DCLRE1A: variants seen among roughly 807,000 people sequenced by gnomAD.
DCLRE1A encodes DNA cross-link repair 1A protein.
DCLRE1A carries 64 observed loss-of-function variants against 91.9 expected under a neutral mutation model. That is an observed-to-expected ratio of 0.70 (90% CI 0.57 to 0.86). DCLRE1A has a LOEUF of 0.86. Ranked by LOEUF, DCLRE1A falls within the 40% of genes least tolerant of loss-of-function variation. DCLRE1A has a pLI of 0.00. For missense variants in DCLRE1A, 1,145 were observed against 1,213.3 expected, an observed-to-expected ratio of 0.94 and a Z score of 0.84; for synonymous variants, 416 against 431.1, an observed-to-expected ratio of 0.96 and a Z score of 0.43.
intron 3 of DCLRE1A, among the ~76,000 whole-genome samples, chr10:113,846,782 G>C (rs1252152958): frequency 6.6e-6 from 1 of 151,974 alleles, no homozygotes; most frequent in Non-Finnish European, 1.5e-5. Flanking sequence ...GTAAATAGTT[G>C]TTATACTATA....
chr10:113,844,232 A>C lies in DCLRE1A; in HGVS notation c.2391T>G (p.Ala797=). Residue 797 remains alanine, a synonymous_variant, in exon 5 of 9, where the codon GCT becomes GCG. Transcript: ENST00000361384. ...VLLDANHCPG[A]VMILFYLPNG... ...TAGGAAGATAAAAGAGGATCATGAC[A>C]GCACCTGGACAGCTGAACACAAATG... is the stretch of plus-strand genomic sequence containing the variant. 1 of 1,614,142 alleles carries C rather than the reference A, an allele frequency of 6.2e-7. No homozygotes were observed. Among genetic ancestry groups the C allele is most frequent in the Middle Eastern group, 1.6e-4 (1 of 6,062 alleles).
At chr10:113,847,076 A>G in intron 3 of DCLRE1A, 126 bp downstream of exon 3, 1 of 954,380 alleles carries the variant, frequency 1.0e-6, no homozygotes, top group Non-Finnish European at 1.5e-6. Context: ...TTTATGTGGA[A>G]TATGTTTTCT....
At chr10:113,837,388 C>G (rs1260295418) in intron 7 of DCLRE1A, among the ~76,000 whole-genome samples, 185 bp from the exon 8 acceptor site, 1 of 151,990 alleles carries the variant, frequency 6.6e-6, no homozygotes, top group Non-Finnish European at 1.5e-5. Flanking sequence ...AATATTTTCT[C>G]CTTTACTTAT....
At chr10:113,843,405 G>A (rs17235185) in intron 5 of DCLRE1A, among the ~76,000 whole-genome samples, 4,780 of 152,106 alleles carry the variant, frequency 0.031, 263 homozygotes, top group African/African-American at 0.11. Flanking sequence ...TCATATAGAA[G>A]AATGGAAAAA....
At chr10:113,848,579 T>C (rs534334355) in intron 2 of DCLRE1A, among the ~76,000 whole-genome samples, 7 of 152,228 alleles carry the variant, frequency 4.6e-5, no homozygotes, top group Non-Finnish European at 1.0e-4. Context: ...ACCTGTGACA[T>C]TTCCCATCTT....
chr10:113,850,066 G>GT lies in DCLRE1A; in HGVS notation c.1038dup (p.Arg347ThrfsTer11), dbSNP rs1405598603. ...TGGTCCTTCAGTAAGGGACCATGTC[G>GT]TTTTTTAAAAAAACCACAGCTGTCA... On this transcript the variant is annotated frameshift_variant, in exon 2 of 9. Transcript: ENST00000361384. LOFTEE classifies it high-confidence loss of function. The GT allele has an allele frequency of 3.7e-6, 6 of 1,613,642 alleles. No homozygotes were observed. The highest frequency in any genetic ancestry group is 5.1e-6 in the Non-Finnish European group (6 of 1,179,918).
chr10:113,847,681 T>A (rs1845561630), intron 2 of DCLRE1A, among the ~76,000 whole-genome samples: 1 of 152,222 alleles, frequency 6.6e-6, no homozygotes, highest in African/African-American at 2.4e-5. Context: ...ATGCTAACTT[T>A]CTTCTAAAAC....
At chr10:113,835,417 G>A (rs900282096) in intron 8 of DCLRE1A, 105 bp from the exon 9 acceptor site, 2 of 1,273,066 alleles carry the variant, frequency 1.6e-6, no homozygotes, top group East Asian at 2.7e-5. Flanking sequence ...GCAATCCACA[G>A]TATTTTTGTC....
In DCLRE1A at chr10:113,850,445, A is replaced by C; in HGVS notation, c.660T>G (p.Thr220=). The change falls in exon 2 of 9, where the codon ACT becomes ACG. Residue 220 remains threonine, a synonymous_variant. Transcript: ENST00000361384. The part of the protein sequence containing the change: ...EERWSSYQNQ[T]DNSVSNDPLL... Reference sequence around the variant, plus strand: ...AGGGATCATTTGAAACCGAGTTATCAGTTTGGTTCTGATACGAAGACCATC... The same window carrying C: ...AGGGATCATTTGAAACCGAGTTATCCGTTTGGTTCTGATACGAAGACCATC... 6.2e-7 allele frequency: 1 copy of C among 1,614,216 alleles called. No homozygotes were observed. The highest frequency in any genetic ancestry group is 8.5e-7 in the Non-Finnish European group (1 of 1,180,046).
In DCLRE1A at chr10:113,835,231, G is replaced by C. The variant is rs36045399; in HGVS notation, c.3044C>G (p.Thr1015Ser). Residue 1015 changes from threonine to serine, a missense_variant, in exon 9 of 9, where the codon ACT (threonine) becomes AGT (serine). Physicochemically the swap from Thr to Ser is moderately conservative, Grantham distance 58 (BLOSUM62 1). Coordinates refer to ENST00000361384, the MANE Select transcript of DCLRE1A (RefSeq NM_014881.5). ...QWLKPQKIIP[T>S]VNVGTWKSRS... ...AGATTTCCAGGTGCCCACATTTACAGTAGGTATGATTTTCTGGGGCTTCAG... is the reference window on the plus strand; with the variant it reads ...AGATTTCCAGGTGCCCACATTTACACTAGGTATGATTTTCTGGGGCTTCAG... The C allele has an allele frequency of 2.9e-4, 462 of 1,614,098 alleles. 1 individual carries two copies. In the African/African-American group the frequency reaches 5.4e-3, roughly 19 times the overall value.
chr10:113,844,331 C>G, intron 4 of DCLRE1A, 87 bp from the exon 5 acceptor site: 2 of 1,510,678 alleles, frequency 1.3e-6, no homozygotes, highest in Non-Finnish European at 1.8e-6. Context: ...AGTTAGCACG[C>G]TTTATTAGCT....
chr10:113,838,217 C>T (rs994050446), intron 7 of DCLRE1A, among the ~76,000 whole-genome samples: 3 of 152,124 alleles, frequency 2.0e-5, no homozygotes, highest in Admixed American at 2.0e-4. Context: ...TTTTGCCTTG[C>T]TTACTCTAGG....
At chr10:113,848,877 C>G (rs1845586288) in intron 2 of DCLRE1A, 103 bp downstream of exon 2, 1 of 1,100,640 alleles carries the variant, frequency 9.1e-7, no homozygotes, top group Non-Finnish European at 1.3e-6. Context: ...GAAACACATA[C>G]AAAAAATTGT....
chr10:113,848,699 C>T (rs987664780), intron 2 of DCLRE1A, among the ~76,000 whole-genome samples: 1 of 152,136 alleles, frequency 6.6e-6, no homozygotes, highest in Non-Finnish European at 1.5e-5. Context: ...AATCCCTATT[C>T]CTCTCTTACT....
At chr10:113,850,930 A>AT (rs1413432585) in intron 1 of DCLRE1A, among the ~76,000 whole-genome samples, 1 of 152,158 alleles carries the variant, frequency 6.6e-6, no homozygotes, top group Non-Finnish European at 1.5e-5. Flanking sequence ...CCATCTTGGT[A>AT]TATCCCTGTG....
Position 113,835,144 on chromosome 10 carries a change from A to C in DCLRE1A, c.*8T>G. ...AACTTAACTACTACTGAATCCTCGG[A>C]GGTATCATCAATATCCAGCTTCCAA... On this transcript the variant is annotated 3_prime_UTR_variant, in exon 9 of 9. Coordinates refer to ENST00000361384, the MANE Select transcript of DCLRE1A (RefSeq NM_014881.5). The C allele has an allele frequency of 6.2e-7, 1 of 1,611,838 alleles. No individual in the cohort carries two copies. The highest frequency in any genetic ancestry group is 1.1e-5 in the South Asian group (1 of 90,430).
intron 7 of DCLRE1A, among the ~76,000 whole-genome samples, chr10:113,838,962 G>C (rs1291858512): frequency 6.6e-6 from 1 of 151,884 alleles, no homozygotes; most frequent in Non-Finnish European, 1.5e-5. Flanking sequence ...ACAACTTTTG[G>C]CTGGTAAAAA....
chr10:113,839,943 T>C (rs1845420334), intron 7 of DCLRE1A, among the ~76,000 whole-genome samples: 1 of 152,106 alleles, frequency 6.6e-6, no homozygotes, highest in Non-Finnish European at 1.5e-5. Context: ...CCTCAAAAAA[T>C]CATTCAAAAT....
At chr10:113,842,608 A>G in intron 5 of DCLRE1A, 120 bp from the exon 6 acceptor site, 1 of 847,418 alleles carries the variant, frequency 1.2e-6, no homozygotes, top group East Asian at 2.6e-5. Context: ...GTAATATATT[A>G]ATACCACAAG....
Sources: allele counts gnomAD v4.1 joint callset (sites outside exome capture counted in the v4.1 genomes callset), GRCh38; gene constraint gnomAD v4.1.1; transcripts MANE v1.5; gene names NCBI Gene and HGNC (gene_info 2026-07-23, HGNC 2026-07-21).